Variants in MAP2K4 observed in about 807,000 individuals in gnomAD.
The protein encoded by MAP2K4 is dual specificity mitogen-activated protein kinase kinase 4.
MAP2K4 carries 4 observed loss-of-function variants against 48.5 expected under a neutral mutation model. The observed-to-expected ratio is 0.08, with a 90% confidence interval of 0.04 to 0.19. The LOEUF (loss-of-function observed/expected upper bound fraction) is 0.19. MAP2K4 is among the 10% of genes least tolerant of loss of function. The probability of loss-of-function intolerance (pLI) is 1.00; values close to 1 mark genes in which losing one functional copy is unlikely to be tolerated. For synonymous variants in MAP2K4, 166 were observed against 173.1 expected (o/e 0.96, Z 0.32); for missense variants, 258 against 493.3 (o/e 0.52, Z 4.52).
intron 2 of MAP2K4, among the ~76,000 whole-genome samples, chr17:12,079,435 CATATT>C (rs1191594870): frequency 6.6e-6 from 1 of 152,104 alleles, no homozygotes; most frequent in Non-Finnish European, 1.5e-5. Context: ...TCATGAGAGT[CATATT>C]ATATCATCTT....
intron 1 of MAP2K4, among the ~76,000 whole-genome samples, chr17:12,026,198 A>C (rs916826363): frequency 6.6e-6 from 1 of 152,168 alleles, no homozygotes; most frequent in Admixed American, 6.5e-5. Flanking sequence ...TACTAGCCTG[A>C]ATGTGTGCTG....
chr17:12,104,342 G>A (rs561391860), intron 4 of MAP2K4, among the ~76,000 whole-genome samples: 35 of 152,224 alleles, frequency 2.3e-4, no homozygotes, highest in Non-Finnish European at 3.4e-4. Flanking sequence ...TAAAGACTGG[G>A]AAATGTAGAT....
rs1969005219 is a variant in MAP2K4 at position 12,020,885 on chromosome 17, C to T, written c.-2C>T. ...GCGCCGCTCGGCTCTTCACTCCCAA[C>T]AATGGCGGCTCCGAGCCCGAGCGGC... On this transcript the variant is annotated 5_prime_UTR_variant, in exon 1 of 11. Coordinates refer to ENST00000353533, the MANE Select transcript of MAP2K4 (RefSeq NM_003010.4). 2.5e-6 allele frequency: 3 copies of T among 1,196,326 alleles called. No homozygotes were observed. Among genetic ancestry groups the T allele is most frequent in the East Asian group, 6.6e-5 (2 of 30,140 alleles). 74.1% of individuals were successfully genotyped at this position (1,196,326 alleles called of 1,614,324 possible). A position where few individuals can be genotyped will look rare whatever the true frequency, so the allele number is the denominator to read the frequency against.
intron 8 of MAP2K4, among the ~76,000 whole-genome samples, chr17:12,125,743 A>G (rs532050322): frequency 1.3e-5 from 2 of 152,336 alleles, no homozygotes; most frequent in Non-Finnish European, 1.5e-5. Flanking sequence ...AAGGTGTAGT[A>G]TGTCCAGTAA....
chr17:12,075,937 G>T (rs897003105), intron 2 of MAP2K4, among the ~76,000 whole-genome samples: 1 of 152,084 alleles, frequency 6.6e-6, no homozygotes, highest in Non-Finnish European at 1.5e-5. Flanking sequence ...TTTTTTTCTG[G>T]ATTATGATTG....
intron 7 of MAP2K4, among the ~76,000 whole-genome samples, chr17:12,116,384 T>C (rs1047362890): frequency 5.3e-5 from 8 of 152,162 alleles, no homozygotes; most frequent in Non-Finnish European, 1.2e-4. Flanking sequence ...CTGTAGACTT[T>C]ATAAACACTG....
chr17:12,089,254 C>CT (rs1034875331), intron 3 of MAP2K4, among the ~76,000 whole-genome samples: 3 of 152,090 alleles, frequency 2.0e-5, no homozygotes, highest in African/African-American at 7.2e-5. Context: ...ATAGTAGGTG[C>CT]TTATGTAGGG....
chr17:12,115,813 TGACAG>T, intron 7 of MAP2K4: 1 of 726,594 alleles, frequency 1.4e-6, no homozygotes, highest in Middle Eastern at 3.6e-4. Context: ...ACAGCTCTGC[TGACAG>T]GAGCTGCACT....
chr17:12,023,332 T>C lies in MAP2K4; in HGVS notation c.115+2331T>C, dbSNP rs1383279612. Among the ~76,000 whole-genome samples the C allele has an allele frequency of 2.6e-5, 4 of 152,186 alleles. No individual in the cohort carries two copies. The South Asian group carries it at 6.2e-4, about 24-fold the overall frequency. On this transcript the variant is annotated intron_variant, in intron 1 of 10. Transcript: ENST00000353533. ...TGAGGCCCTTGAAGAGGAAATCTTA[T>C]AAGAACCCAAAAAGAAAGATTCCCA...
intron 4 of MAP2K4, among the ~76,000 whole-genome samples, chr17:12,096,126 A>G (rs1971749010): frequency 8.0e-6 from 1 of 124,800 alleles, no homozygotes; most frequent in African/African-American, 3.1e-5. Context: ...CTCATCTGTC[A>G]TCAAGTGTAT....
chr17:12,076,499 T>C (rs1971014842), intron 2 of MAP2K4, among the ~76,000 whole-genome samples: 1 of 152,220 alleles, frequency 6.6e-6, no homozygotes, highest in Admixed American at 6.5e-5. Context: ...ACTGCAAACA[T>C]GTAGCCTCAA....
intron 1 of MAP2K4, among the ~76,000 whole-genome samples, chr17:12,023,579 G>A (rs749167178): frequency 6.6e-6 from 1 of 152,198 alleles, no homozygotes; most frequent in Non-Finnish European, 1.5e-5. Flanking sequence ...TGGAACATAA[G>A]GAATGTTTCA....
chr17:12,103,422 G>A (rs1441450289), intron 4 of MAP2K4, among the ~76,000 whole-genome samples: 4 of 151,586 alleles, frequency 2.6e-5, no homozygotes, highest in Admixed American at 6.6e-5. Flanking sequence ...TCTGATTGTG[G>A]TTTCTTCCTT....
chr17:12,026,446 A>G (rs1346902883), intron 1 of MAP2K4, among the ~76,000 whole-genome samples: 4 of 152,222 alleles, frequency 2.6e-5, no homozygotes, highest in Non-Finnish European at 4.4e-5. Flanking sequence ...AGAAACTTTA[A>G]TTGAGGCTTA....
At chr17:12,139,195 G>T (rs2151597991) in intron 9 of MAP2K4, among the ~76,000 whole-genome samples, 1 of 152,174 alleles carries the variant, frequency 6.6e-6, no homozygotes, top group Non-Finnish European at 1.5e-5. Context: ...AGATAGATGA[G>T]GTAAATATAA....
At chr17:12,131,870 A>G (rs1257694458) in intron 9 of MAP2K4, among the ~76,000 whole-genome samples, 1 of 152,220 alleles carries the variant, frequency 6.6e-6, no homozygotes, top group African/African-American at 2.4e-5. Flanking sequence ...TGTAAAGAAT[A>G]CTTAAAAATG....
At chr17:12,021,583 CTT>C (rs1328984833) in intron 1 of MAP2K4, 1 of 143,036 alleles carries the variant, frequency 7.0e-6, no homozygotes, top group South Asian at 2.2e-4. Flanking sequence ...CGTTTTCAAA[CTT>C]TTGCAGGGTT....
intron 10 of MAP2K4, among the ~76,000 whole-genome samples, chr17:12,140,496 A>C (rs1973343535): frequency 1.3e-5 from 2 of 152,202 alleles, no homozygotes; most frequent in Admixed American, 1.3e-4. Context: ...TCTAGTCAAC[A>C]TACTTAGTCT....
rs1267596512 is a variant in MAP2K4 at position 12,142,791 on chromosome 17, C to T, written c.*1531C>T. ...TTAGCCAGGTTCTCATTAGGTTTTG[C>T]TTGGGCCTCCCTGGCACTGAACCTT... On this transcript the variant is annotated 3_prime_UTR_variant, in exon 11 of 11. Coordinates refer to ENST00000353533, the MANE Select transcript of MAP2K4 (RefSeq NM_003010.4). The T allele has an allele frequency of 3.9e-5, 9 of 232,710 alleles. No homozygotes were observed. The highest frequency in any genetic ancestry group is 6.8e-5 in the Non-Finnish European group (8 of 117,766). 14.4% of individuals were successfully genotyped at this position (232,710 alleles called of 1,614,324 possible).
Sources: gnomAD v4.1 joint callset for allele counts (sites outside exome capture counted in the v4.1 genomes callset) on GRCh38, gnomAD v4.1.1 for gene constraint, MANE v1.5 for transcripts, NCBI Gene and HGNC (gene_info 2026-07-23, HGNC 2026-07-21) for gene names.